The following TOX variants were observed in gnomAD, a reference collection of about 807,000 sequenced individuals.
TOX encodes the protein thymocyte selection-associated high mobility group box protein TOX.
In TOX, 11 loss-of-function variants were observed where a neutral mutation model predicts 53.7. The ratio of observed to expected loss-of-function variants is 0.20; its 90% CI spans 0.13 to 0.34. TOX has a LOEUF of 0.34. Among genes scored for constraint, TOX ranks in the 10% least tolerant of loss-of-function variants. The pLI is 1.00. For synonymous variants in TOX, 225 were observed against 245.3 expected, an observed-to-expected ratio of 0.92 and a Z score of 0.77; for missense variants, 570 against 664.6, an observed-to-expected ratio of 0.86 and a Z score of 1.56.
At chr8:59,012,601 C>G (rs1467454100) in intron 1 of TOX, among the ~76,000 whole-genome samples, 1 of 152,060 alleles carries the variant, frequency 6.6e-6, no homozygotes, top group Non-Finnish European at 1.5e-5. Flanking sequence ...TGTTTTGTCT[C>G]TAGAAAAGGC....
chr8:58,834,188 T>C (rs533065531), intron 5 of TOX, among the ~76,000 whole-genome samples: 1 of 152,190 alleles, frequency 6.6e-6, no homozygotes, highest in East Asian at 1.9e-4. Flanking sequence ...AGGCCCCCAA[T>C]AAGTCATCAA....
rs577549460 is a variant in TOX at position 58,900,855 on chromosome 8, T to C, written c.411+38447A>G. On this transcript the variant is annotated intron_variant, in intron 3 of 8. Coordinates refer to ENST00000361421, the MANE Select transcript of TOX (RefSeq NM_014729.3). ...CATGTATAGTTGGTAGAGGTTTTTT[T>C]TGTAAACACTGAGACCTTCGTTGAA... is the stretch of plus-strand genomic sequence containing the variant. Among the ~76,000 whole-genome samples the C allele has an allele frequency of 3.1e-3, 476 of 152,262 alleles. 4 individuals carry two copies. The highest frequency in any genetic ancestry group is 9.6e-3 in the Admixed American group (146 of 15,282).
chr8:59,092,321 A>AT (rs1804634798), intron 1 of TOX, among the ~76,000 whole-genome samples: 2 of 108,570 alleles, frequency 1.8e-5, no homozygotes, highest in African/African-American at 1.1e-4. Flanking sequence ...ATATATACAT[A>AT]TATATATTAT....
Position 58,926,930 on chromosome 8 carries a change from T to A in TOX, c.411+12372A>T, listed in dbSNP as rs528308650. On this transcript the variant is annotated intron_variant, in intron 3 of 8. Transcript: ENST00000361421. ...CATTTTTCATTAGCTGGAAAGCTAATGTCTTTAACAAGTGACTTGAGAATG... is the reference window on the plus strand; with the variant it reads ...CATTTTTCATTAGCTGGAAAGCTAAAGTCTTTAACAAGTGACTTGAGAATG... Among the ~76,000 whole-genome samples the A allele has an allele frequency of 2.0e-5, 3 of 152,366 alleles. No individual in the cohort carries two copies. The South Asian group carries it at 6.2e-4, about 32-fold the overall frequency.
intron 3 of TOX, among the ~76,000 whole-genome samples, chr8:58,930,947 T>A (rs569864754): frequency 6.6e-6 from 1 of 152,326 alleles, no homozygotes; most frequent in South Asian, 2.1e-4. Flanking sequence ...AAGACAATTA[T>A]TCAAATATAA....
intron 2 of TOX, among the ~76,000 whole-genome samples, chr8:58,949,961 A>G (rs78726602): frequency 0.074 from 5,118 of 68,732 alleles, 36 homozygotes; most frequent in Non-Finnish European, 0.1. Context: ...ATATACAATT[A>G]CATGTGTATA....
At chr8:58,876,385 A>C (rs1811284734) in intron 3 of TOX, among the ~76,000 whole-genome samples, 1 of 152,188 alleles carries the variant, frequency 6.6e-6, no homozygotes, top group Non-Finnish European at 1.5e-5. Context: ...GAGCTCCCCA[A>C]ACTCCAAATA....
chr8:59,064,604 A>G (rs1804053940), intron 1 of TOX, among the ~76,000 whole-genome samples: 1 of 152,206 alleles, frequency 6.6e-6, no homozygotes, highest in East Asian at 1.9e-4. Context: ...CAAAACATAT[A>G]TAAACTCGTG....
intron 1 of TOX, among the ~76,000 whole-genome samples, chr8:59,070,533 A>ACACACG (rs1286911231): frequency 4.6e-5 from 7 of 151,784 alleles, no homozygotes; most frequent in Non-Finnish European, 1.0e-4. Context: ...ACACACACAC[A>ACACACG]CACACACACA....
chr8:59,020,875 G>A (rs1343773893), intron 1 of TOX, among the ~76,000 whole-genome samples: 1 of 151,956 alleles, frequency 6.6e-6, no homozygotes, highest in Non-Finnish European at 1.5e-5. Context: ...TCATTCCTAT[G>A]TACAAAAGAA....
At chr8:58,988,416 A>G (rs1414982632) in intron 1 of TOX, among the ~76,000 whole-genome samples, 2 of 152,154 alleles carry the variant, frequency 1.3e-5, no homozygotes, top group Non-Finnish European at 2.9e-5. Context: ...GCGGAGTTGA[A>G]TATTTGCCAC....
intron 1 of TOX, among the ~76,000 whole-genome samples, chr8:59,049,078 T>C (rs1803740879): frequency 6.6e-6 from 1 of 152,032 alleles, no homozygotes; most frequent in South Asian, 2.1e-4. Flanking sequence ...ATTTTATCTA[T>C]CCATTATTAT....
At chr8:59,028,754 A>T (rs1288323553) in intron 1 of TOX, among the ~76,000 whole-genome samples, 1 of 152,156 alleles carries the variant, frequency 6.6e-6, no homozygotes, top group African/African-American at 2.4e-5. Flanking sequence ...AAACAATAGC[A>T]GATTTCATAG....
At chr8:58,812,747 T>C (rs1235604145) in intron 7 of TOX, among the ~76,000 whole-genome samples, 1 of 152,196 alleles carries the variant, frequency 6.6e-6, no homozygotes, top group African/African-American at 2.4e-5. Flanking sequence ...CATCACTCAA[T>C]TTCCAGAGCC....
At chr8:59,059,367 G>A (rs375912093) in intron 1 of TOX, among the ~76,000 whole-genome samples, 7 of 151,922 alleles carry the variant, frequency 4.6e-5, no homozygotes, top group African/African-American at 9.7e-5. Flanking sequence ...TCCAAGTACC[G>A]GAAGAAAATA....
intron 2 of TOX, among the ~76,000 whole-genome samples, chr8:58,956,002 T>G (rs982542471): frequency 6.6e-6 from 1 of 152,106 alleles, no homozygotes; most frequent in Non-Finnish European, 1.5e-5. Context: ...CCCAAAGTGC[T>G]GGGATTACAG....
chr8:58,833,734 C>T (rs373539164), intron 5 of TOX, among the ~76,000 whole-genome samples: 2 of 152,186 alleles, frequency 1.3e-5, no homozygotes, highest in Admixed American at 1.3e-4. Context: ...TCTTACGAGT[C>T]ATTAGCATTT....
intron 1 of TOX, among the ~76,000 whole-genome samples, chr8:58,986,661 G>A (rs1348496868): frequency 6.6e-6 from 1 of 152,168 alleles, no homozygotes; most frequent in Non-Finnish European, 1.5e-5. Flanking sequence ...CAGTGTTTTA[G>A]GATTAGCCAA....
At chr8:58,908,469 G>C (rs780024170) in intron 3 of TOX, among the ~76,000 whole-genome samples, 55 of 152,064 alleles carry the variant, frequency 3.6e-4, no homozygotes, top group Non-Finnish European at 2.8e-4. Flanking sequence ...CTTGAAAGCT[G>C]GCCCTTCATG....
Sources: allele counts gnomAD v4.1 joint callset (sites outside exome capture counted in the v4.1 genomes callset), GRCh38; gene constraint gnomAD v4.1.1; transcripts MANE v1.5; gene names NCBI Gene and HGNC (gene_info 2026-07-23, HGNC 2026-07-21).